The following PRKCZ variants were observed in gnomAD, a reference collection of about 807,000 sequenced individuals.
PRKCZ encodes the protein protein kinase C zeta type.
In PRKCZ, 33 loss-of-function variants were observed where a neutral mutation model predicts 79.5. The observed-to-expected ratio is 0.41, with a 90% CI of 0.31 to 0.55. The LOEUF (loss-of-function observed/expected upper bound fraction) is 0.55, where lower values mean the gene tolerates loss of function less well. PRKCZ is among the 20% of genes least tolerant of loss of function. The pLI, the probability that PRKCZ is intolerant of heterozygous loss-of-function variation, is 0.19. For synonymous variants in PRKCZ, 342 were observed against 320.9 expected (o/e 1.07, Z -0.70); for missense variants, 578 against 813.5 (o/e 0.71, Z 3.52).
At position 2,106,879 on chromosome 1, in the gene PRKCZ, A is replaced by ATG. The variant is rs1205454090; in HGVS notation, c.335-28383_335-28382insTG. ...GCGACTCTTCAGCAAGCCCCTCCAC[A>ATG]CGTGTCACCAGGCCAGGTGACTCTC... On this transcript the variant is annotated intron_variant, in intron 4 of 17. Transcript: ENST00000378567. 1.0e-4 allele frequency among the ~76,000 whole-genome samples: 7 copies of ATG among 70,270 alleles called. 1 individual carries two copies. The highest frequency in any genetic ancestry group is 2.9e-4 in the African/African-American group (7 of 24,420). 46.1% of individuals were successfully genotyped at this position (70,270 alleles called of 152,430 possible). A position where few individuals can be genotyped will look rare whatever the true frequency, so the allele number is the denominator to read the frequency against.
At position 2,165,759 on chromosome 1, in the gene PRKCZ, T is replaced by C. The variant is rs1683193684; in HGVS notation, c.975-3759T>C. 2.6e-5 allele frequency among the ~76,000 whole-genome samples: 4 copies of C among 152,112 alleles called. 1 individual carries two copies. Among genetic ancestry groups the C allele is most frequent in the Admixed American group, 2.6e-4 (4 of 15,278 alleles). On this transcript the variant is annotated intron_variant, in intron 10 of 17. Transcript: ENST00000378567. This position sits in a 1 kb window ranked among gnomAD's most constrained non-coding sequence, Gnocchi z 4.1. ...AATTCTTGACTCTCAGGGCAGCGTC[T>C]CCTGTGCCTCCAGGAGAGGGCTGTG... is the stretch of plus-strand genomic sequence containing the variant.
rs1192163160 is a variant in PRKCZ, at chr1:2,094,931, T to C, written c.334+35340T>C. On this transcript the variant is annotated intron_variant, in intron 4 of 17. Transcript: ENST00000378567. The surrounding 1 kb of genome is among the most constrained non-coding windows in gnomAD (Gnocchi z 7.3). ...AAAAGCCCTGCCCTGGGTTCCCTGCTCCATGCCAGTTCTCTCCCTGCCCCC... is the reference window on the plus strand; with the variant it reads ...AAAAGCCCTGCCCTGGGTTCCCTGCCCCATGCCAGTTCTCTCCCTGCCCCC... Among the ~76,000 whole-genome samples, 2 of 152,148 alleles carry C rather than the reference T, an allele frequency of 1.3e-5. No homozygotes were observed. Among genetic ancestry groups the C allele is most frequent in the Non-Finnish European group, 2.9e-5 (2 of 68,026 alleles).
chr1:2,131,458 A>G (rs1399429023), intron 4 of PRKCZ, among the ~76,000 whole-genome samples: 7 of 152,214 alleles, frequency 4.6e-5, no homozygotes, highest in Admixed American at 3.9e-4. Context: ...TAAAAGTTCA[A>G]AACCAACCCT....
rs1313530521 is a variant in PRKCZ at position 2,178,871 on chromosome 1, C to T, written c.1575+3558C>T. Among the ~76,000 whole-genome samples, 1 of 152,166 alleles carries T rather than the reference C, an allele frequency of 6.6e-6. No homozygotes were observed. The highest frequency in any genetic ancestry group is 2.4e-5 in the African/African-American group (1 of 41,436). On this transcript the variant is annotated intron_variant, in intron 16 of 17. Transcript: ENST00000378567. The surrounding 1 kb of genome is among the most constrained non-coding windows in gnomAD (Gnocchi z 4.3). ...AGCAGGAATGGATGGTGAAAGGACACAGTGCCCGCCCCCCGAGTGTCCGAG... is the reference window on the plus strand; with the variant it reads ...AGCAGGAATGGATGGTGAAAGGACATAGTGCCCGCCCCCCGAGTGTCCGAG...
Position 2,096,100 on chromosome 1 carries a change from A to T in PRKCZ, c.334+36509A>T, listed in dbSNP as rs548459062. Among the ~76,000 whole-genome samples, 383 of 151,638 alleles carry T rather than the reference A, an allele frequency of 2.5e-3. 5 individuals carry two copies. Among genetic ancestry groups the T allele is most frequent in the African/African-American group, 9.0e-3 (371 of 41,298 alleles). ...GCAGGCATAGTCCCAGGGAGCAGGC[A>T]GCTGCCTAGGAAGGCAGTCAAGCAG... On this transcript the variant is annotated intron_variant, in intron 4 of 17. Transcript: ENST00000378567.
chr1:2,131,846 C>T (rs1054724389), intron 4 of PRKCZ, among the ~76,000 whole-genome samples: 4 of 152,242 alleles, frequency 2.6e-5, no homozygotes, highest in Admixed American at 2.6e-4. Flanking sequence ...GAGTCTCGCT[C>T]TGTCGCCCAG....
intron 4 of PRKCZ, among the ~76,000 whole-genome samples, chr1:2,098,138 G>A (rs192087478): frequency 0.049 from 711 of 14,466 alleles, 4 homozygotes; most frequent in Admixed American, 0.083. Flanking sequence ...TAAGGACAGA[G>A]CAGGTGATAG....
In PRKCZ at chr1:2,071,128, C is replaced by T. The variant is rs80122338; in HGVS notation, c.334+11537C>T. Among the ~76,000 whole-genome samples the T allele has an allele frequency of 3.2e-3, 484 of 152,288 alleles. 23 individuals are homozygous for T. In the East Asian group the frequency reaches 0.078, roughly 25 times the overall value. On this transcript the variant is annotated intron_variant, in intron 4 of 17. Coordinates refer to ENST00000378567, the MANE Select transcript of PRKCZ (RefSeq NM_002744.6). ...CTGCACTGCCAGGTTCAAACCCCACCGGCAGGGAGCCTGCGCTGTGACTTC... is the reference window on the plus strand; with the variant it reads ...CTGCACTGCCAGGTTCAAACCCCACTGGCAGGGAGCCTGCGCTGTGACTTC...
intron 4 of PRKCZ, among the ~76,000 whole-genome samples, chr1:2,069,276 G>T (rs1479709364): frequency 9.8e-5 from 15 of 152,286 alleles, no homozygotes; most frequent in African/African-American, 3.1e-4. Flanking sequence ...AGCCATGGTG[G>T]TCCCTTTGGG....
intron 5 of PRKCZ, 54 bp from the exon 6 acceptor site, chr1:2,144,156 T>G (rs1324789187): frequency 1.3e-6 from 2 of 1,539,396 alleles, no homozygotes; most frequent in Non-Finnish European, 1.8e-6. Context: ...CTGCCTGTCC[T>G]CTCCGCTGGC....
chr1:2,059,633 G>A (rs1385951387), intron 4 of PRKCZ, 42 bp downstream of exon 4: 2 of 1,610,552 alleles, frequency 1.2e-6, no homozygotes, highest in Non-Finnish European at 1.7e-6. Context: ...CATGTTACGG[G>A]GTTGAACTGT....
At chr1:2,179,471 G>C (rs1271296674) in intron 16 of PRKCZ, among the ~76,000 whole-genome samples, 2 of 152,200 alleles carry the variant, frequency 1.3e-5, no homozygotes, top group Non-Finnish European at 2.9e-5. Flanking sequence ...GTGACTATCA[G>C]GAGTCTGAGA....
intron 3 of PRKCZ, among the ~76,000 whole-genome samples, chr1:2,057,440 G>A (rs1038944330): frequency 1.3e-5 from 2 of 152,234 alleles, no homozygotes; most frequent in African/African-American, 2.4e-5. Context: ...GGCCATGGAC[G>A]ATTGAGTCCA....
chr1:2,105,600 A>G (rs1409431877), intron 4 of PRKCZ, among the ~76,000 whole-genome samples: 1 of 152,166 alleles, frequency 6.6e-6, no homozygotes, highest in Non-Finnish European at 1.5e-5. Flanking sequence ...GGGTTTCACC[A>G]TGTTGGCCAG....
chr1:2,177,745 G>A lies in PRKCZ; in HGVS notation c.1575+2432G>A, dbSNP rs1165159354. On this transcript the variant is annotated intron_variant, in intron 16 of 17. Transcript: ENST00000378567. This position sits in a 1 kb window ranked among gnomAD's most constrained non-coding sequence, Gnocchi z 6.4. The stretch of plus-strand genomic sequence containing the variant: ...GTCAGCGGCCCTGGCTTCCCACCTG[G>A]GTCCCACCACTGCAGAATCACCCCC... 4.6e-5 allele frequency among the ~76,000 whole-genome samples: 7 copies of A among 152,136 alleles called. No homozygotes were observed. In the East Asian group the frequency reaches 1.4e-3, roughly 29 times the overall value.
At chr1:2,086,628 G>T (rs927352864) in intron 4 of PRKCZ, among the ~76,000 whole-genome samples, 4 of 152,244 alleles carry the variant, frequency 2.6e-5, no homozygotes, top group African/African-American at 9.6e-5. Flanking sequence ...TCGGAGGAGG[G>T]TGGACTTCAG....
chr1:2,054,238 T>C (rs1387601638), intron 1 of PRKCZ, among the ~76,000 whole-genome samples: 1 of 152,174 alleles, frequency 6.6e-6, no homozygotes, highest in East Asian at 1.9e-4. Context: ...TCAGGCTTCT[T>C]TTTATAGGCC....
rs545167158 is a variant in PRKCZ at position 2,072,516 on chromosome 1, G to A, written c.334+12925G>A. On this transcript the variant is annotated intron_variant, in intron 4 of 17. Coordinates refer to ENST00000378567, the MANE Select transcript of PRKCZ (RefSeq NM_002744.6). Reference sequence around the variant, plus strand: ...TGTGGTTTCCATGGGAAAGGTGTGGGGAGCAGGCATTGGGTCGGCCAGGTG... The same window carrying A: ...TGTGGTTTCCATGGGAAAGGTGTGGAGAGCAGGCATTGGGTCGGCCAGGTG... Among the ~76,000 whole-genome samples the A allele has an allele frequency of 1.8e-4, 28 of 151,416 alleles. 3 individuals carry two copies. In the South Asian group the frequency reaches 5.6e-3, roughly 30 times the overall value.
At chr1:2,107,346 TC>T (rs912572927) in intron 4 of PRKCZ, among the ~76,000 whole-genome samples, 1 of 152,224 alleles carries the variant, frequency 6.6e-6, no homozygotes, top group Admixed American at 6.5e-5. Context: ...CCTGCTTTTT[TC>T]CCGCACGTCA....
Sources: gnomAD v4.1 joint callset for allele counts (sites outside exome capture counted in the v4.1 genomes callset) on GRCh38, gnomAD v4.1.1 for gene constraint, Gnocchi (gnomAD v3.1) non-coding constraint, MANE v1.5 for transcripts, NCBI Gene and HGNC (gene_info 2026-07-23, HGNC 2026-07-21) for gene names.